CFAP70: variants seen among roughly 807,000 people sequenced by gnomAD.
CFAP70 encodes cilia and flagella associated protein 70.
In CFAP70, 81 loss-of-function variants were observed where a neutral mutation model predicts 137.6. That is an observed-to-expected ratio of 0.59 (90% CI 0.49 to 0.71). CFAP70 has a LOEUF of 0.71. Among genes scored for constraint, CFAP70 ranks in the 30% least tolerant of loss-of-function variants. CFAP70 has a pLI of 0.00. For synonymous variants in CFAP70, 382 were observed against 423.6 expected (o/e 0.90, Z 1.20); for missense variants, 976 against 1,226.7 (o/e 0.80, Z 3.05).
At chr10:73,304,930 C>T (rs756495880) in intron 12 of CFAP70, among the ~76,000 whole-genome samples, 2 of 151,834 alleles carry the variant, frequency 1.3e-5, no homozygotes, top group African/African-American at 2.4e-5. Context: ...TTTACAGTAA[C>T]AAAGAGAATC....
chr10:73,345,906 A>AT (rs1005076752), intron 4 of CFAP70, among the ~76,000 whole-genome samples: 30 of 147,400 alleles, frequency 2.0e-4, no homozygotes, highest in Middle Eastern at 3.5e-3. Flanking sequence ...TTTTAATTTT[A>AT]TTTTTTTTTT....
intron 3 of CFAP70, among the ~76,000 whole-genome samples, chr10:73,353,229 G>A (rs1449454485): frequency 6.6e-6 from 1 of 152,140 alleles, no homozygotes; most frequent in African/African-American, 2.4e-5. Flanking sequence ...CTTAACTTGT[G>A]ATGGGGAGGT....
chr10:73,257,012 T>C (rs2044591332), intron 25 of CFAP70, among the ~76,000 whole-genome samples: 1 of 152,012 alleles, frequency 6.6e-6, no homozygotes, highest in South Asian at 2.1e-4. Flanking sequence ...CATTTGTTCC[T>C]CTTAGGACTG....
At chr10:73,361,476 G>A (rs2055007353), upstream of CFAP70, among the ~76,000 whole-genome samples, 1 of 151,708 alleles carries the variant, frequency 6.6e-6, no homozygotes. Flanking sequence ...TGGCCACTCT[G>A]TTTGAAAGGC....
At chr10:73,265,586 T>C (rs2045678359) in intron 25 of CFAP70, among the ~76,000 whole-genome samples, 1 of 152,224 alleles carries the variant, frequency 6.6e-6, no homozygotes. Flanking sequence ...GTTTCCATTA[T>C]TTTGCAATTG....
At position 73,309,856 on chromosome 10, in the gene CFAP70, C is replaced by T. The variant is rs534690882; in HGVS notation, c.1256+302G>A. Among the ~76,000 whole-genome samples, 14 of 151,762 alleles carry T rather than the reference C, an allele frequency of 9.2e-5. No individual in the cohort carries two copies. In the East Asian group the frequency reaches 2.0e-3, roughly 21 times the overall value. ...TATTTTAGTAGAGACGGGGTTTCACCGTGTTGCCCAGGCTGGTCTCAAACT... is the reference window on the plus strand; with the variant it reads ...TATTTTAGTAGAGACGGGGTTTCACTGTGTTGCCCAGGCTGGTCTCAAACT... On this transcript the variant is annotated intron_variant, in intron 12 of 26. Transcript: ENST00000310715.
intron 8 of CFAP70, among the ~76,000 whole-genome samples, chr10:73,328,023 A>G (rs1037848535): frequency 6.6e-6 from 1 of 152,204 alleles, no homozygotes. Context: ...AAGAGCTCGC[A>G]TCGCCAAGTC....
intron 20 of CFAP70, 109 bp downstream of exon 21, chr10:73,278,070 T>C: frequency 9.0e-7 from 1 of 1,117,220 alleles, no homozygotes. Context: ...TTTCAGAGCC[T>C]GGTTATCAAC....
chr10:73,256,607 TA>T (rs1421927912), intron 25 of CFAP70, among the ~76,000 whole-genome samples, 191 bp from the exon 27 acceptor site: 86 of 151,540 alleles, frequency 5.7e-4, no homozygotes, highest in Non-Finnish European at 2.9e-5. Flanking sequence ...GTTTTTTTTT[TA>T]AAAAATTCCT....
intron 20 of CFAP70, among the ~76,000 whole-genome samples, chr10:73,277,567 T>C (rs1390233622): frequency 6.6e-6 from 1 of 151,918 alleles, no homozygotes; most frequent in Non-Finnish European, 1.5e-5. Flanking sequence ...ACAAAAATTA[T>C]CTGGGCATGG....
At chr10:73,348,134 T>G (rs2053878472) in intron 4 of CFAP70, 22 bp downstream of exon 5, 2 of 1,607,908 alleles carry the variant, frequency 1.2e-6, no homozygotes, top group Non-Finnish European at 1.7e-6. Context: ...GCTGAAATGT[T>G]GAGAGCTAAA....
At chr10:73,285,068 C>T (rs61371868) in intron 19 of CFAP70, among the ~76,000 whole-genome samples, 23,206 of 151,440 alleles carry the variant, frequency 0.15, 2,892 homozygotes, top group African/African-American at 0.32. Flanking sequence ...AAGAGGTAGG[C>T]AAATTAGATA....
At chr10:73,302,682 A>G (rs974806328) in intron 12 of CFAP70, among the ~76,000 whole-genome samples, 6 of 152,174 alleles carry the variant, frequency 3.9e-5, no homozygotes, top group Admixed American at 1.3e-4. Context: ...ACTTCAGCAT[A>G]GTTTTAATGT....
chr10:73,256,247 G>T, intron 26 of CFAP70, 122 bp downstream of exon 27: 1 of 1,096,196 alleles, frequency 9.1e-7, no homozygotes, highest in South Asian at 1.4e-5. Context: ...TGGCAAAGAT[G>T]GTAAGAAAAG....
chr10:73,349,411 C>G (rs1383580002), intron 3 of CFAP70, among the ~76,000 whole-genome samples: 1 of 151,954 alleles, frequency 6.6e-6, no homozygotes, highest in African/African-American at 2.4e-5. Flanking sequence ...GGCGTGGTGG[C>G]GGGCACCTGT....
chr10:73,285,419 C>T (rs566949686), intron 19 of CFAP70, among the ~76,000 whole-genome samples: 12 of 152,190 alleles, frequency 7.9e-5, no homozygotes, highest in African/African-American at 2.4e-4. Flanking sequence ...CTTTGAAGGA[C>T]AGAAAAGTAG....
chr10:73,354,811 A>G (rs764576787), exon 2 of CFAP70: 2 of 1,613,372 alleles, frequency 1.2e-6, no homozygotes, highest in South Asian at 1.1e-5. Context: ...CCAACTGGGA[A>G]AAGTCCCTCT....
Position 73,291,849 on chromosome 10 carries a change from C to T in CFAP70, c.1904+32G>A, listed in dbSNP as rs2048204647. 6 of 1,613,618 alleles carry T rather than the reference C, an allele frequency of 3.7e-6. No individual in the cohort carries two copies. The South Asian group carries it at 5.5e-5, about 15-fold the overall frequency. ...CACGTAGAAACTTATCTGTTCCTTC[C>T]CACTGATTCCTCATCTCCCTTCCAC... On this transcript the variant is annotated intron_variant, in intron 17 of 26. Coordinates refer to ENST00000310715, the Ensembl canonical transcript of CFAP70.
upstream of CFAP70, among the ~76,000 whole-genome samples, chr10:73,359,318 A>G (rs891444384): frequency 1.3e-5 from 2 of 152,250 alleles, no homozygotes; most frequent in African/African-American, 4.8e-5. Context: ...TCGAAGGAAT[A>G]GTGGATGAGT....
Sources: gnomAD v4.1 joint callset for allele counts (sites outside exome capture counted in the v4.1 genomes callset) on GRCh38, gnomAD v4.1.1 for gene constraint, MANE v1.5 for transcripts, NCBI Gene and HGNC (gene_info 2026-07-23, HGNC 2026-07-21) for gene names.